SIPA1L1: variants seen among roughly 807,000 people sequenced by gnomAD.
The protein encoded by SIPA1L1 is signal-induced proliferation-associated 1-like protein 1.
In SIPA1L1, 26 loss-of-function variants were observed where a neutral mutation model predicts 162.7. The observed-to-expected ratio is 0.16, with a 90% confidence interval of 0.12 to 0.22. The LOEUF (loss-of-function observed/expected upper bound fraction) is 0.22, where lower values mean the gene tolerates loss of function less well. Among genes scored for constraint, SIPA1L1 ranks in the 10% least tolerant of loss-of-function variants. SIPA1L1 has a pLI of 1.00. For synonymous variants in SIPA1L1, 829 were observed against 837.4 expected (o/e 0.99, Z 0.17); for missense variants, 1,874 against 2,241.0 (o/e 0.84, Z 3.31).
chr14:71,401,344 C>A (rs566750750), intron 2 of SIPA1L1, among the ~76,000 whole-genome samples: 1 of 151,214 alleles, frequency 6.6e-6, no homozygotes, highest in Non-Finnish European at 1.5e-5. Context: ...TTCTGAATAC[C>A]TCTTTTTTAC....
intron 4 of SIPA1L1, among the ~76,000 whole-genome samples, chr14:71,544,766 A>G (rs1268205821): frequency 6.6e-6 from 1 of 152,190 alleles, no homozygotes; most frequent in Non-Finnish European, 1.5e-5. Context: ...AGTCGACTAT[A>G]TACGTGTGAG....
intron 2 of SIPA1L1, among the ~76,000 whole-genome samples, chr14:71,493,591 A>G (rs1450022496): frequency 6.6e-6 from 1 of 152,240 alleles, no homozygotes; most frequent in Non-Finnish European, 1.5e-5. Context: ...GTATTTTGAC[A>G]AAGTATCATC....
intron 12 of SIPA1L1, among the ~76,000 whole-genome samples, chr14:71,680,539 A>T (rs563136323): frequency 2.4e-3 from 372 of 152,328 alleles, no homozygotes; most frequent in African/African-American, 8.4e-3. Flanking sequence ...GCAAGAGCAA[A>T]CACATTCAAA....
In SIPA1L1 at chr14:71,618,764, G is replaced by T; in HGVS notation, c.1506G>T (p.Trp502Cys). 6.2e-7 allele frequency: 1 copy of T among 1,612,972 alleles called. No individual in the cohort carries two copies. The highest frequency in any genetic ancestry group is 1.1e-5 in the South Asian group (1 of 90,730). The change falls in exon 6 of 24, where the codon TGG (tryptophan) becomes TGT (cysteine). Residue 502 changes from tryptophan to cysteine, a missense_variant. Physicochemically the swap from Trp to Cys is radical, Grantham distance 215. Coordinates refer to ENST00000381232, the MANE Select transcript of SIPA1L1 (RefSeq NM_001386936.1). ...YRKFFYQKEH[W>C]NYFGADENLG... ...TGTCTTATTTTACCTAAGAACACTG[G>T]AACTATTTTGGGGCTGATGAGAATC...
intron 4 of SIPA1L1, among the ~76,000 whole-genome samples, chr14:71,569,195 T>C (rs1317208641): frequency 1.3e-5 from 2 of 152,156 alleles, no homozygotes; most frequent in Non-Finnish European, 2.9e-5. Context: ...CAGATTTGAA[T>C]GATCAACACC....
chr14:71,555,683 T>C (rs2056292105), intron 4 of SIPA1L1, among the ~76,000 whole-genome samples: 1 of 152,196 alleles, frequency 6.6e-6, no homozygotes, highest in Non-Finnish European at 1.5e-5. Context: ...TTTCTAGCTT[T>C]TGATTTAAAA....
At chr14:71,391,168 C>T (rs2040720593) in intron 2 of SIPA1L1, among the ~76,000 whole-genome samples, 1 of 146,598 alleles carries the variant, frequency 6.8e-6, no homozygotes, top group Admixed American at 7.0e-5. Flanking sequence ...GTGCAGTGGC[C>T]TGATCTTGGC....
chr14:71,572,155 C>T (rs2032191852), intron 4 of SIPA1L1, among the ~76,000 whole-genome samples: 1 of 152,026 alleles, frequency 6.6e-6, no homozygotes, highest in Admixed American at 6.6e-5. Context: ...CCCATGATAG[C>T]CCATTAATCC....
At chr14:71,572,200 C>A (rs1172837146) in intron 4 of SIPA1L1, among the ~76,000 whole-genome samples, 1 of 152,190 alleles carries the variant, frequency 6.6e-6, no homozygotes, top group Non-Finnish European at 1.5e-5. Context: ...ATTAAGCATT[C>A]ACAAGGACAG....
At chr14:71,663,615 G>C (rs1468479162) in intron 10 of SIPA1L1, among the ~76,000 whole-genome samples, 2 of 152,148 alleles carry the variant, frequency 1.3e-5, no homozygotes, top group Non-Finnish European at 2.9e-5. Flanking sequence ...ACTGCTCAGG[G>C]AGGTATGTTC....
At chr14:71,470,833 A>G (rs1038870810) in intron 2 of SIPA1L1, among the ~76,000 whole-genome samples, 1 of 151,312 alleles carries the variant, frequency 6.6e-6, no homozygotes, top group Admixed American at 6.6e-5. Context: ...GTTTTGTTTT[A>G]TTTTGTTTTG....
chr14:71,556,508 T>A (rs2056366066), intron 4 of SIPA1L1, among the ~76,000 whole-genome samples: 1 of 152,230 alleles, frequency 6.6e-6, no homozygotes. Flanking sequence ...ACTGACCAAC[T>A]TTAAGTTGGT....
intron 5 of SIPA1L1, among the ~76,000 whole-genome samples, chr14:71,617,546 T>A (rs2038969263): frequency 6.6e-6 from 1 of 152,238 alleles, no homozygotes; most frequent in African/African-American, 2.4e-5. Context: ...CCTCAACATT[T>A]ATGATTGTAG....
At chr14:71,571,436 C>T (rs1279914745) in intron 4 of SIPA1L1, among the ~76,000 whole-genome samples, 1 of 151,874 alleles carries the variant, frequency 6.6e-6, no homozygotes, top group Non-Finnish European at 1.5e-5. Context: ...AAAAGAACAA[C>T]ACAAAGACTA....
intron 2 of SIPA1L1, among the ~76,000 whole-genome samples, chr14:71,494,746 A>G (rs1163107795): frequency 6.6e-6 from 1 of 151,498 alleles, no homozygotes; most frequent in Non-Finnish European, 1.5e-5. Context: ...CAGGCTGGTT[A>G]CTCCTGCCTC....
intron 2 of SIPA1L1, among the ~76,000 whole-genome samples, chr14:71,335,592 G>C (rs2035010598): frequency 6.6e-6 from 1 of 152,170 alleles, no homozygotes; most frequent in South Asian, 2.1e-4. Context: ...AAAGAGAATG[G>C]TAATCGCTTT....
intron 2 of SIPA1L1, among the ~76,000 whole-genome samples, chr14:71,492,853 T>C (rs2049398880): frequency 6.6e-6 from 1 of 151,742 alleles, no homozygotes; most frequent in Non-Finnish European, 1.5e-5. Context: ...CTCAAACTCC[T>C]GGGCTCAAGC....
At chr14:71,393,359 A>C (rs558908073) in intron 2 of SIPA1L1, among the ~76,000 whole-genome samples, 2 of 152,350 alleles carry the variant, frequency 1.3e-5, no homozygotes, top group East Asian at 3.9e-4. Flanking sequence ...AGTGCAGGAA[A>C]TCTGTGGTAA....
chr14:71,712,792 T>C (rs1727830568), intron 17 of SIPA1L1, among the ~76,000 whole-genome samples: 2 of 152,152 alleles, frequency 1.3e-5, no homozygotes, highest in Admixed American at 1.3e-4. Flanking sequence ...CACATAGATA[T>C]CTCTTCTGTA....
Sources: gnomAD v4.1 joint callset for allele counts (sites outside exome capture counted in the v4.1 genomes callset) on GRCh38, gnomAD v4.1.1 for gene constraint, MANE v1.5 for transcripts, NCBI Gene and HGNC (gene_info 2026-07-23, HGNC 2026-07-21) for gene names.